RASA1: variants seen among roughly 807,000 people sequenced by gnomAD.
RASA1 encodes the protein RAS p21 protein activator 1.
A neutral mutation model predicts 132.2 loss-of-function variants in RASA1; 25 were observed. The observed-to-expected ratio is 0.19, with a 90% CI of 0.14 to 0.26. The LOEUF (loss-of-function observed/expected upper bound fraction) is 0.26. RASA1 is among the 10% of genes least tolerant of loss of function. The pLI is 1.00. For synonymous variants in RASA1, 477 were observed against 449.9 expected (o/e 1.06, Z -0.76); for missense variants, 964 against 1,299.2 (o/e 0.74, Z 3.97).
chr5:87,376,272 A>C lies in RASA1; in HGVS notation c.2012-121A>C, dbSNP rs1761321153. 5 of 1,163,838 alleles carry C rather than the reference A, an allele frequency of 4.3e-6. No homozygotes were observed. The Admixed American group carries it at 1.1e-4, about 24-fold the overall frequency. 72.1% of individuals were successfully genotyped at this position (1,163,838 alleles called of 1,614,324 possible). The stretch of plus-strand genomic sequence containing the variant: ...AATATTGAATTTGTGATGTTACTGA[A>C]AACTCCTTTAATGAAAAGCATTTAA... On this transcript the variant is annotated intron_variant, in intron 15 of 24. Transcript: ENST00000274376.
chr5:87,344,952 TTC>T, intron 6 of RASA1, among the ~76,000 whole-genome samples: 1 of 152,266 alleles, frequency 6.6e-6, no homozygotes, highest in East Asian at 1.9e-4. Flanking sequence ...ATTGGTACCC[TTC>T]TCTGTTACTC....
intron 1 of RASA1, among the ~76,000 whole-genome samples, chr5:87,281,827 A>G (rs1469022481): frequency 1.3e-5 from 2 of 152,014 alleles, no homozygotes; most frequent in Non-Finnish European, 2.9e-5. Context: ...GTAATCCACC[A>G]GTCTCAGCCT....
intron 9 of RASA1, among the ~76,000 whole-genome samples, chr5:87,356,207 A>C (rs1181121794): frequency 6.6e-6 from 1 of 152,078 alleles, no homozygotes; most frequent in Non-Finnish European, 1.5e-5. Context: ...CATTATAGGG[A>C]ATTTCTTTTG....
intron 1 of RASA1, among the ~76,000 whole-genome samples, chr5:87,299,125 A>G (rs1755245130): frequency 6.6e-6 from 1 of 152,242 alleles, no homozygotes; most frequent in South Asian, 2.1e-4. Context: ...AACCTTAGAC[A>G]TAAATACAGG....
chr5:87,375,315 C>T (rs762709216), intron 15 of RASA1, among the ~76,000 whole-genome samples: 1 of 151,724 alleles, frequency 6.6e-6, no homozygotes, highest in Non-Finnish European at 1.5e-5. Flanking sequence ...GGCTGCAGTG[C>T]AGTGGTGTGA....
chr5:87,327,623 C>G (rs1006408603), intron 1 of RASA1, among the ~76,000 whole-genome samples: 4 of 152,136 alleles, frequency 2.6e-5, no homozygotes, highest in African/African-American at 7.2e-5. Context: ...CATAATCATA[C>G]TTCTTTGAGT....
At chr5:87,293,573 T>C (rs966808329) in intron 1 of RASA1, among the ~76,000 whole-genome samples, 4 of 152,288 alleles carry the variant, frequency 2.6e-5, no homozygotes, top group Admixed American at 6.5e-5. Flanking sequence ...CTGGTTTTGG[T>C]ATTAGGTTAG....
At chr5:87,345,390 G>A (rs1410587585) in intron 6 of RASA1, among the ~76,000 whole-genome samples, 2 of 152,148 alleles carry the variant, frequency 1.3e-5, no homozygotes, top group Admixed American at 1.3e-4. Flanking sequence ...AGAAGTAGAG[G>A]ATTAGCCTTG....
rs1383723255 is a variant in RASA1, at chr5:87,268,449, A to G, written c.-3A>G. On this transcript the variant is annotated 5_prime_UTR_variant, in exon 1 of 25. Coordinates refer to ENST00000274376, the MANE Select transcript of RASA1 (RefSeq NM_002890.3). Reference sequence around the variant, plus strand: ...GGTAGGGCAGAGTAGAGCGGGCTTCAACATGATGGCGGCCGAGGCCGGCAG... The same window carrying G: ...GGTAGGGCAGAGTAGAGCGGGCTTCGACATGATGGCGGCCGAGGCCGGCAG... 1 of 1,544,644 alleles carries G rather than the reference A, an allele frequency of 6.5e-7. No individual in the cohort carries two copies. The highest frequency in any genetic ancestry group is 8.7e-7 in the Non-Finnish European group (1 of 1,144,564).
intron 1 of RASA1, among the ~76,000 whole-genome samples, chr5:87,301,111 C>G (rs1183311528): frequency 6.6e-6 from 1 of 152,068 alleles, no homozygotes; most frequent in Non-Finnish European, 1.5e-5. Context: ...AGATTAAGTC[C>G]AAGACAATAT....
chr5:87,270,646 CTTTTTTTTTTTTTTTTTTTTTTTTTT>C (rs70996415), intron 1 of RASA1, among the ~76,000 whole-genome samples: 4 of 71,764 alleles, frequency 5.6e-5, no homozygotes, highest in South Asian at 4.9e-4. Flanking sequence ...GGTGCCCGGC[CTTTTTTTTTTTTTTTTTTTTTTTTTT>C]TTTTTTTTTT....
chr5:87,332,431 A>G, intron 2 of RASA1, 76 bp from the exon 3 acceptor site: 2 of 1,405,332 alleles, frequency 1.4e-6, no homozygotes, highest in Admixed American at 3.6e-5. Context: ...ATGGATTTAT[A>G]ATTTCTTTAT....
At chr5:87,277,134 A>T (rs1754100003) in intron 1 of RASA1, among the ~76,000 whole-genome samples, 1 of 152,208 alleles carries the variant, frequency 6.6e-6, no homozygotes, top group South Asian at 2.1e-4. Flanking sequence ...AATGGGCATC[A>T]TCCTCATTGT....
At chr5:87,288,028 TATATATATACC>T (rs1326357164) in intron 1 of RASA1, among the ~76,000 whole-genome samples, 12 of 35,152 alleles carry the variant, frequency 3.4e-4, no homozygotes, top group African/African-American at 4.5e-4. Flanking sequence ...ACACACACCA[TATATATATACC>T]ATATATATAC....
intron 6 of RASA1, among the ~76,000 whole-genome samples, chr5:87,343,402 G>C (rs1430477306): frequency 2.6e-5 from 4 of 152,006 alleles, no homozygotes; most frequent in African/African-American, 9.7e-5. Context: ...TTTTCCAGTA[G>C]CTGGAATAAT....
chr5:87,391,510 A>G lies in RASA1; in HGVS notation c.*627A>G, dbSNP rs1762514126. The G allele has an allele frequency of 4.2e-6, 1 of 237,804 alleles. No homozygotes were observed. The highest frequency in any genetic ancestry group is 1.6e-4 in the South Asian group (1 of 6,120). 14.7% of individuals were successfully genotyped at this position (237,804 alleles called of 1,614,324 possible). A position where few individuals can be genotyped will look rare whatever the true frequency, so the allele number is the denominator to read the frequency against. On this transcript the variant is annotated 3_prime_UTR_variant, in exon 25 of 25. Transcript: ENST00000274376. ...GAATGATCTATTGCTCATCAGCTTT[A>G]TTTTTTAAACATACGACTTATTTTG...
At chr5:87,273,870 G>T (rs988903098) in intron 1 of RASA1, among the ~76,000 whole-genome samples, 1 of 151,896 alleles carries the variant, frequency 6.6e-6, no homozygotes, top group African/African-American at 2.4e-5. Context: ...GCTAATTTTT[G>T]TATTTTTAGT....
rs571984001 is a variant in RASA1 at position 87,365,702 on chromosome 5, A to G, written c.1610+2198A>G. 2.6e-5 allele frequency among the ~76,000 whole-genome samples: 4 copies of G among 152,218 alleles called. No individual in the cohort carries two copies. The South Asian group carries it at 6.2e-4, about 24-fold the overall frequency. ...AAAGTCATTAGACTCATAAGATAAA[A>G]AATAATTTTAAAAAAATGTAACTCA... On this transcript the variant is annotated intron_variant, in intron 11 of 24. Coordinates refer to ENST00000274376, the MANE Select transcript of RASA1 (RefSeq NM_002890.3).
intron 9 of RASA1, among the ~76,000 whole-genome samples, chr5:87,355,025 A>G (rs983458510): frequency 6.6e-6 from 1 of 152,186 alleles, no homozygotes; most frequent in East Asian, 1.9e-4. Context: ...AGATTGATTC[A>G]TAAGATTTAA....
Sources: gnomAD v4.1 joint callset for allele counts (sites outside exome capture counted in the v4.1 genomes callset) on GRCh38, gnomAD v4.1.1 for gene constraint, MANE v1.5 for transcripts, NCBI Gene and HGNC (gene_info 2026-07-23, HGNC 2026-07-21) for gene names.